Variants in ZCCHC7 observed in about 807,000 individuals in gnomAD.
ZCCHC7 encodes the protein zinc finger CCHC-type containing 7.
A neutral mutation model predicts 52.0 loss-of-function variants in ZCCHC7; 35 were observed. The ratio of observed to expected loss-of-function variants is 0.67; its 90% CI spans 0.51 to 0.89. The LOEUF (loss-of-function observed/expected upper bound fraction) is 0.89, where lower values mean the gene tolerates loss of function less well. Ranked by LOEUF, ZCCHC7 falls within the 40% of genes least tolerant of loss-of-function variation. ZCCHC7 has a pLI of 0.00. For synonymous variants in ZCCHC7, 217 were observed against 221.5 expected, an observed-to-expected ratio of 0.98 and a Z score of 0.18; for missense variants, 574 against 649.1, an observed-to-expected ratio of 0.88 and a Z score of 1.26.
At chr9:37,123,918 G>A (rs567020495) in intron 1 of ZCCHC7, among the ~76,000 whole-genome samples, 4 of 152,322 alleles carry the variant, frequency 2.6e-5, no homozygotes, top group Admixed American at 2.0e-4. Context: ...GAAGGACAGT[G>A]CAACAAGGGC....
upstream of ZCCHC7, chr9:37,120,540 T>A (rs985497980): frequency 5.0e-6 from 2 of 399,262 alleles, no homozygotes; most frequent in Non-Finnish European, 8.8e-6. Flanking sequence ...GGACGCGGCC[T>A]CCTTACCTCA....
At chr9:37,305,840 T>C in intron 5 of ZCCHC7, 126 bp downstream of exon 5, 1 of 845,108 alleles carries the variant, frequency 1.2e-6, no homozygotes, top group Non-Finnish European at 1.8e-6. Context: ...GAGATATATA[T>C]ATATATATAT....
At chr9:37,128,114 TAGAA>T (rs1243702599) in intron 2 of ZCCHC7, among the ~76,000 whole-genome samples, 6 of 152,146 alleles carry the variant, frequency 3.9e-5, no homozygotes, top group Non-Finnish European at 7.3e-5. Context: ...TGTTTGTAGG[TAGAA>T]AGAAAGAAAC....
At chr9:37,308,401 G>A (rs1248395042) in intron 5 of ZCCHC7, among the ~76,000 whole-genome samples, 2 of 151,798 alleles carry the variant, frequency 1.3e-5, no homozygotes, top group African/African-American at 4.8e-5. Flanking sequence ...TTATTTGCCT[G>A]TGATAAAGAA....
At chr9:37,274,284 A>G (rs1330764430) in intron 2 of ZCCHC7, among the ~76,000 whole-genome samples, 1 of 149,516 alleles carries the variant, frequency 6.7e-6, no homozygotes, top group African/African-American at 2.5e-5. Flanking sequence ...CTTGGCTTTC[A>G]TGAGTGTATA....
At chr9:37,183,654 G>T (rs1822488965) in intron 2 of ZCCHC7, among the ~76,000 whole-genome samples, 1 of 152,306 alleles carries the variant, frequency 6.6e-6, no homozygotes, top group African/African-American at 2.4e-5. Context: ...AGGCATGGAT[G>T]AGTACAGTTT....
At chr9:37,245,651 C>T (rs945772963) in intron 2 of ZCCHC7, among the ~76,000 whole-genome samples, 4 of 151,904 alleles carry the variant, frequency 2.6e-5, no homozygotes, top group Non-Finnish European at 2.9e-5. Context: ...ATCATGGGGA[C>T]GTCTAGGACT....
chr9:37,181,924 A>G (rs993807825), intron 2 of ZCCHC7, among the ~76,000 whole-genome samples: 1 of 152,190 alleles, frequency 6.6e-6, no homozygotes, highest in African/African-American at 2.4e-5. Context: ...GGCTCAAGCC[A>G]TCCTCCCACT....
At chr9:37,330,171 T>C (rs1196826880) in intron 6 of ZCCHC7, among the ~76,000 whole-genome samples, 3 of 150,666 alleles carry the variant, frequency 2.0e-5, no homozygotes, top group African/African-American at 7.3e-5. Flanking sequence ...CTCAAACACA[T>C]AAGAAAGGTG....
chr9:37,282,825 A>AT (rs907108052), intron 2 of ZCCHC7, among the ~76,000 whole-genome samples: 4 of 149,642 alleles, frequency 2.7e-5, no homozygotes, highest in Non-Finnish European at 5.9e-5. Context: ...CTTAAAAAAA[A>AT]GGCGGGGGGA....
chr9:37,353,756 T>G (rs187834027), intron 7 of ZCCHC7, among the ~76,000 whole-genome samples: 83 of 152,348 alleles, frequency 5.4e-4, no homozygotes, highest in African/African-American at 2.0e-3. Flanking sequence ...CTAGCTTGGC[T>G]AGTTCAGACT....
chr9:37,228,786 C>T (rs1346240581), intron 2 of ZCCHC7, among the ~76,000 whole-genome samples: 1 of 150,622 alleles, frequency 6.6e-6, no homozygotes, highest in Non-Finnish European at 1.5e-5. Flanking sequence ...TTTCTGCATA[C>T]TTCTACCCAA....
intron 5 of ZCCHC7, among the ~76,000 whole-genome samples, chr9:37,320,991 T>TC (rs1159481597): frequency 8.2e-5 from 12 of 145,466 alleles, no homozygotes; most frequent in East Asian, 7.8e-4. Flanking sequence ...TTTTTTCTTT[T>TC]TTTTTTTTTT....
At chr9:37,142,396 G>A (rs531717775) in intron 2 of ZCCHC7, among the ~76,000 whole-genome samples, 31 of 151,656 alleles carry the variant, frequency 2.0e-4, no homozygotes, top group Non-Finnish European at 3.8e-4. Context: ...TTCTGTGTCT[G>A]TTAATTACAG....
At chr9:37,202,564 C>T (rs996036209) in intron 2 of ZCCHC7, among the ~76,000 whole-genome samples, 7 of 152,150 alleles carry the variant, frequency 4.6e-5, no homozygotes, top group Admixed American at 3.9e-4. Flanking sequence ...TTACTGTAAC[C>T]TCCACCTCTT....
chr9:37,294,519 G>C (rs1337116727), intron 2 of ZCCHC7, among the ~76,000 whole-genome samples: 1 of 152,058 alleles, frequency 6.6e-6, no homozygotes, highest in African/African-American at 2.4e-5. Flanking sequence ...GTAATGGCAG[G>C]GTTGTTTTTT....
intron 5 of ZCCHC7, among the ~76,000 whole-genome samples, chr9:37,309,220 C>T (rs1490128181): frequency 6.6e-6 from 1 of 152,150 alleles, no homozygotes; most frequent in Non-Finnish European, 1.5e-5. Context: ...CTACTGACTC[C>T]TTGTGGCAAG....
At chr9:37,201,593 A>G (rs545798647) in intron 2 of ZCCHC7, among the ~76,000 whole-genome samples, 1 of 152,362 alleles carries the variant, frequency 6.6e-6, no homozygotes, top group South Asian at 2.1e-4. Flanking sequence ...CTGAATGGGA[A>G]GCAAAATCTG....
At chr9:37,274,642 A>C (rs147254090) in intron 2 of ZCCHC7, among the ~76,000 whole-genome samples, 146 of 152,128 alleles carry the variant, frequency 9.6e-4, no homozygotes, top group African/African-American at 3.4e-3. Context: ...CCCAGCCTCT[A>C]ATTTCTTAAT....
Sources: gnomAD v4.1 joint callset for allele counts (sites outside exome capture counted in the v4.1 genomes callset) on GRCh38, gnomAD v4.1.1 for gene constraint, MANE v1.5 for transcripts, NCBI Gene and HGNC (gene_info 2026-07-23, HGNC 2026-07-21) for gene names.